XIRP2: variants seen among roughly 807,000 people sequenced by gnomAD.
XIRP2 encodes xin actin binding repeat containing 2.
Under a neutral mutation model 277.0 loss-of-function variants are expected in XIRP2, and 236 were observed. The observed-to-expected ratio is 0.85, with a 90% CI of 0.77 to 0.95. The LOEUF is 0.95. XIRP2 is among the 40% of genes least tolerant of loss of function. The pLI is 0.00. For synonymous variants in XIRP2, 1,490 were observed against 1,416.5 expected, an observed-to-expected ratio of 1.05 and a Z score of -1.17; for missense variants, 4,640 against 4,157.5, an observed-to-expected ratio of 1.12 and a Z score of -3.19.
At chr2:167,242,065 A>G (rs890934557) in intron 8 of XIRP2, among the ~76,000 whole-genome samples, 155 bp downstream of exon 8, 3 of 152,210 alleles carry the variant, frequency 2.0e-5, no homozygotes, top group African/African-American at 7.2e-5. Context: ...ATTGACCTGC[A>G]TGCAAAAGGA....
At chr2:166,994,223 A>C (rs1342617314) in intron 2 of XIRP2, among the ~76,000 whole-genome samples, 3 of 19,512 alleles carry the variant, frequency 1.5e-4, no homozygotes, top group Admixed American at 7.7e-4. Flanking sequence ...AAACTATCGC[A>C]AGAACAAAAA....
At chr2:167,206,547 GGCTCATATCA>G (rs1693858044) in intron 3 of XIRP2, among the ~76,000 whole-genome samples, 1 of 152,082 alleles carries the variant, frequency 6.6e-6, no homozygotes, top group Non-Finnish European at 1.5e-5. Context: ...AATCAGACGT[GGCTCATATCA>G]GCCTCACAAC....
intron 2 of XIRP2, among the ~76,000 whole-genome samples, chr2:167,048,942 T>C (rs1365640212): frequency 1.3e-5 from 2 of 152,010 alleles, no homozygotes; most frequent in African/African-American, 4.8e-5. Context: ...TTTCATTTCT[T>C]TCCTGCCCAG....
At chr2:167,193,895 A>AAG (rs1693423397) in intron 3 of XIRP2, among the ~76,000 whole-genome samples, 1 of 151,568 alleles carries the variant, frequency 6.6e-6, no homozygotes, top group African/African-American at 2.4e-5. Flanking sequence ...AAAAAAAAAA[A>AAG]AAAAATTCAG....
intron 2 of XIRP2, among the ~76,000 whole-genome samples, chr2:166,928,386 C>T (rs1558919101): frequency 6.6e-6 from 1 of 152,052 alleles, no homozygotes; most frequent in African/African-American, 2.4e-5. Flanking sequence ...ATAAGGAGGT[C>T]CCACTATTAG....
rs575584814 is a variant in XIRP2, at chr2:166,962,355, A to G, written c.408+58465A>G. ...AAGCAGAACCACAAAAACCGTGCAT[A>G]TGATGCAGTGAATGGCCCATACAGC... On this transcript the variant is annotated intron_variant, in intron 2 of 10. Transcript: ENST00000409195. 6.1e-4 allele frequency among the ~76,000 whole-genome samples: 93 copies of G among 151,800 alleles called. 2 individuals are homozygous for G. Among genetic ancestry groups the G allele is most frequent in the South Asian group, 3.7e-3 (18 of 4,822 alleles).
At chr2:167,125,647 AGG>A (rs1691180071) in intron 2 of XIRP2, among the ~76,000 whole-genome samples, 5 of 152,224 alleles carry the variant, frequency 3.3e-5, no homozygotes, top group Non-Finnish European at 7.3e-5. Context: ...GATTTCTTTA[AGG>A]ACTACATTTC....
intron 2 of XIRP2, among the ~76,000 whole-genome samples, chr2:167,077,188 T>C (rs1689594438): frequency 6.6e-6 from 1 of 152,066 alleles, no homozygotes; most frequent in South Asian, 2.1e-4. Flanking sequence ...ATAGATTATT[T>C]GGGGAGAAAA....
Position 167,086,762 on chromosome 2 carries a change from C to T in XIRP2, c.409-49147C>T, listed in dbSNP as rs1458821596. On this transcript the variant is annotated intron_variant, in intron 2 of 10. Transcript: ENST00000409195. The stretch of plus-strand genomic sequence containing the variant: ...GCTCCTGAGGCTTCTGCATTCTTCA[C>T]GTAGTTCTCAAGCCTTGGTTTTCAG... Among the ~76,000 whole-genome samples, 10 of 149,764 alleles carry T rather than the reference C, an allele frequency of 6.7e-5. No homozygotes were observed. The East Asian group carries it at 1.6e-3, about 23-fold the overall frequency.
rs191130567 is a variant in XIRP2 at position 167,097,054 on chromosome 2, A to T, written c.409-38855A>T. On this transcript the variant is annotated intron_variant, in intron 2 of 10. Coordinates refer to ENST00000409195, the MANE Select transcript of XIRP2 (RefSeq NM_152381.6). The stretch of plus-strand genomic sequence containing the variant: ...TGGGTGGAGAGTTCTGTATATGTCA[A>T]TTAGGTTCACTAGGTCCAGAGCTGA... 2.4e-3 allele frequency among the ~76,000 whole-genome samples: 359 copies of T among 152,290 alleles called. 2 individuals are homozygous for T. Among genetic ancestry groups the T allele is most frequent in the African/African-American group, 8.3e-3 (345 of 41,556 alleles).
At chr2:167,204,277 A>G (rs921603353) in intron 3 of XIRP2, among the ~76,000 whole-genome samples, 1 of 152,218 alleles carries the variant, frequency 6.6e-6, no homozygotes, top group African/African-American at 2.4e-5. Flanking sequence ...TGGACTAACC[A>G]TCTGGGAATA....
At position 167,250,710 on chromosome 2, in the gene XIRP2, T is replaced by G. The variant is rs779605621; in HGVS notation, c.9318T>G (p.Asp3106Glu). Residue 3106 changes from aspartate (D) to glutamate (E), a missense_variant, in exon 9 of 11, where the codon GAT becomes GAG. Asp to Glu is a conservative substitution (Grantham distance 45). Coordinates refer to ENST00000409195, the MANE Select transcript of XIRP2 (RefSeq NM_152381.6). ...CCCATCAGGAAATTAAACTTGATGA[T>G]AGCAACATTCCTCCTCCCTCTTTAA... Reference protein sequence around the residue: ...VKTHQEIKLDDSNIPPPSLKT... With the variant: ...VKTHQEIKLDESNIPPPSLKT... 1.2e-6 allele frequency: 2 copies of G among 1,613,662 alleles called. No homozygotes were observed. The highest frequency in any genetic ancestry group is 1.7e-6 in the Non-Finnish European group (2 of 1,179,770).
At chr2:167,166,208 T>A (rs569456002) in intron 3 of XIRP2, among the ~76,000 whole-genome samples, 11 of 152,346 alleles carry the variant, frequency 7.2e-5, no homozygotes, top group African/African-American at 2.4e-4. Context: ...TTTTTTTCTT[T>A]GATGCATGTC....
rs148970862 is a variant in XIRP2 at position 166,914,153 on chromosome 2, G to C, written c.408+10263G>C. On this transcript the variant is annotated intron_variant, in intron 2 of 10. Transcript: ENST00000409195. Reference sequence around the variant, plus strand: ...TTGAGAGAGTCGGAGGAGTTATGATGAAAGAAGCAAAGGCTGACATGATGC... The same window carrying C: ...TTGAGAGAGTCGGAGGAGTTATGATCAAAGAAGCAAAGGCTGACATGATGC... Among the ~76,000 whole-genome samples the C allele has an allele frequency of 1.9e-4, 29 of 152,258 alleles. No individual in the cohort carries two copies. The East Asian group carries it at 5.0e-3, about 26-fold the overall frequency.
At chr2:166,918,306 C>G (rs1288302548) in intron 2 of XIRP2, among the ~76,000 whole-genome samples, 2 of 152,080 alleles carry the variant, frequency 1.3e-5, no homozygotes, top group Admixed American at 1.3e-4. Context: ...GAAGTGTCAT[C>G]TCCATGGCTC....
chr2:167,076,092 G>A (rs1689563074), intron 2 of XIRP2, among the ~76,000 whole-genome samples: 1 of 152,114 alleles, frequency 6.6e-6, no homozygotes, highest in Admixed American at 6.6e-5. Context: ...ATAATATGCA[G>A]AGGATGGTAT....
intron 3 of XIRP2, among the ~76,000 whole-genome samples, chr2:167,163,188 T>A (rs1692420302): frequency 6.6e-6 from 1 of 152,250 alleles, no homozygotes; most frequent in Non-Finnish European, 1.5e-5. Flanking sequence ...AGTGGATTAA[T>A]ACCTGGGAGT....
intron 2 of XIRP2, among the ~76,000 whole-genome samples, chr2:166,922,854 G>GCT (rs1685091189): frequency 6.7e-6 from 1 of 148,854 alleles, no homozygotes. Context: ...GTAACCAGGG[G>GCT]TGATAGCATA....
intron 2 of XIRP2, among the ~76,000 whole-genome samples, chr2:167,009,405 T>G (rs1687601285): frequency 6.6e-6 from 1 of 152,056 alleles, no homozygotes; most frequent in African/African-American, 2.4e-5. Context: ...CATCATTTTT[T>G]ATGGCTGCAT....
Sources: gnomAD v4.1 joint callset for allele counts (sites outside exome capture counted in the v4.1 genomes callset) on GRCh38, gnomAD v4.1.1 for gene constraint, MANE v1.5 for transcripts, NCBI Gene and HGNC (gene_info 2026-07-23, HGNC 2026-07-21) for gene names.